Variants in EPAS1 observed in about 807,000 individuals in gnomAD.
EPAS1 encodes endothelial PAS domain protein 1.
A neutral mutation model predicts 87.9 loss-of-function variants in EPAS1; 23 were observed. The ratio of observed to expected loss-of-function variants is 0.26; its 90% confidence interval spans 0.19 to 0.37. The LOEUF (loss-of-function observed/expected upper bound fraction) is 0.37. Ranked by LOEUF, EPAS1 falls within the 10% of genes least tolerant of loss-of-function variation. EPAS1 has a pLI of 1.00. For missense variants in EPAS1, 1,138 were observed against 1,120.7 expected (o/e 1.02, Z -0.22); for synonymous variants, 508 against 444.3 (o/e 1.14, Z -1.80).
chr2:46,359,257 C>CAAAAAAAAA lies in EPAS1; in HGVS notation c.455-1365_455-1357dup, dbSNP rs57351888. 2.0e-4 allele frequency among the ~76,000 whole-genome samples: 5 copies of CAAAAAAAAA among 25,094 alleles called. 1 individual carries two copies. Among genetic ancestry groups the CAAAAAAAAA allele is most frequent in the Admixed American group, 5.8e-4 (1 of 1,736 alleles). 16.5% of individuals were successfully genotyped at this position (25,094 alleles called of 152,430 possible). On this transcript the variant is annotated intron_variant, in intron 4 of 15. Transcript: ENST00000263734. Reference sequence around the variant, plus strand: ...CTGGCGACAGAGCAAGATTCTGTCTCAAAAAAAAAAAAAAAAAAAAAAAAG... The same window carrying CAAAAAAAAA: ...CTGGCGACAGAGCAAGATTCTGTCTCAAAAAAAAAAAAAAAAAAAAAAAAAAAAAAAAAG...
rs765544757 is a variant in EPAS1 at position 46,297,919 on chromosome 2, C to G, written c.8C>G (p.Ala3Gly). The stretch of plus-strand genomic sequence containing the variant: ...CAAAGGGCCACAGCGACAATGACAG[C>G]TGACAAGGAGAAGAAAAGGTAAGCG... MTADKEKKRSSSE... is the reference protein window; with the variant it reads MTGDKEKKRSSSE... The change falls in exon 1 of 16, where the codon GCT becomes GGT. Residue 3 changes from alanine (A) to glycine (G), a missense_variant. Around this residue, in one of 4 missense-constraint regions of EPAS1, gnomAD observed 351 missense variants for 417.1 expected, o/e 0.84. Coordinates refer to ENST00000263734, the MANE Select transcript of EPAS1 (RefSeq NM_001430.5). 1 of 1,612,428 alleles carries G rather than the reference C, an allele frequency of 6.2e-7. No individual in the cohort carries two copies. Among genetic ancestry groups the G allele is most frequent in the Non-Finnish European group, 8.5e-7 (1 of 1,179,314 alleles).
At chr2:46,379,939 G>A in intron 11 of EPAS1, 1 of 511,344 alleles carries the variant, frequency 2.0e-6, no homozygotes, top group Admixed American at 3.2e-5. Context: ...GGCTTCAAGA[G>A]AGAAGGCGGG....
At chr2:46,304,300 A>G (rs1683067590) in intron 1 of EPAS1, among the ~76,000 whole-genome samples, 2 of 152,192 alleles carry the variant, frequency 1.3e-5, no homozygotes. Context: ...GCTGAAGTCT[A>G]GAAGGGCTAA....
Position 46,361,087 on chromosome 2 carries a change from A to T in EPAS1, c.776A>T (p.Asp259Val), listed in dbSNP as rs1684376922. The T allele has an allele frequency of 6.2e-7, 1 of 1,613,932 alleles. No homozygotes were observed. Among genetic ancestry groups the T allele is most frequent in the African/African-American group, 1.3e-5 (1 of 74,882 alleles). ...SMDMKFTYCD[D>V]RITELIGYHP... ...GACATGAAGTTCACCTACTGTGATG[A>T]CAGGTAGGGGGCCATGGGTGTGTAT... is the stretch of plus-strand genomic sequence containing the variant. The change falls in exon 6 of 16, where the codon GAC becomes GTC. Residue 259 changes from aspartate (D) to valine (V), a missense_variant. Around this residue, in one of 4 missense-constraint regions of EPAS1, gnomAD observed 351 missense variants for 417.1 expected, o/e 0.84. Transcript: ENST00000263734.
At chr2:46,338,496 C>T (rs1375122858) in intron 1 of EPAS1, among the ~76,000 whole-genome samples, 3 of 152,128 alleles carry the variant, frequency 2.0e-5, no homozygotes, top group Admixed American at 6.5e-5. Context: ...TTTCTCCCTG[C>T]TTTTTCATGA....
At chr2:46,373,677 C>T (rs1257284598) in intron 7 of EPAS1, among the ~76,000 whole-genome samples, 4 of 152,022 alleles carry the variant, frequency 2.6e-5, no homozygotes, top group African/African-American at 4.8e-5. Context: ...GTGGTGGGGG[C>T]GGTGATGGAA....
chr2:46,309,285 A>G (rs1028255302), intron 1 of EPAS1, among the ~76,000 whole-genome samples: 5 of 152,218 alleles, frequency 3.3e-5, no homozygotes, highest in Non-Finnish European at 5.9e-5. Context: ...TTCAGGTGCT[A>G]TGCTGTACGG....
At chr2:46,370,450 A>G (rs562453400) in intron 7 of EPAS1, among the ~76,000 whole-genome samples, 3 of 152,318 alleles carry the variant, frequency 2.0e-5, no homozygotes, top group South Asian at 4.1e-4. Flanking sequence ...TACGGGTCCA[A>G]CTTAACACAT....
At chr2:46,307,847 C>T (rs981370805) in intron 1 of EPAS1, among the ~76,000 whole-genome samples, 2 of 152,178 alleles carry the variant, frequency 1.3e-5, no homozygotes. Flanking sequence ...GTCCTATCCT[C>T]GGAGCACAGA....
intron 1 of EPAS1, among the ~76,000 whole-genome samples, chr2:46,306,029 A>T (rs1683103997): frequency 6.6e-6 from 1 of 152,224 alleles, no homozygotes; most frequent in Non-Finnish European, 1.5e-5. Context: ...AAGGGGAGTC[A>T]GTGGCTTGTT....
intron 1 of EPAS1, among the ~76,000 whole-genome samples, chr2:46,316,148 G>A (rs748625172): frequency 3.9e-5 from 6 of 152,018 alleles, no homozygotes; most frequent in Non-Finnish European, 8.8e-5. Context: ...GGCCACTACA[G>A]TAAAGTGAAT....
At chr2:46,333,038 C>T (rs182303822) in intron 1 of EPAS1, among the ~76,000 whole-genome samples, 69 of 152,346 alleles carry the variant, frequency 4.5e-4, no homozygotes, top group African/African-American at 1.6e-3. Flanking sequence ...CAGCCAGCTA[C>T]TTCTGTGTGA....
chr2:46,372,631 A>C (rs1046390060), intron 7 of EPAS1, among the ~76,000 whole-genome samples: 2 of 152,198 alleles, frequency 1.3e-5, no homozygotes, highest in African/African-American at 4.8e-5. Flanking sequence ...TATGGCCTTT[A>C]ATCTTATTTT....
intron 1 of EPAS1, among the ~76,000 whole-genome samples, chr2:46,330,850 G>C (rs1683659673): frequency 6.6e-6 from 1 of 152,000 alleles, no homozygotes; most frequent in African/African-American, 2.4e-5. Flanking sequence ...CATCTTTTTG[G>C]GACTCCTTTA....
intron 1 of EPAS1, among the ~76,000 whole-genome samples, chr2:46,317,584 A>G (rs1558585246): frequency 1.3e-5 from 2 of 152,220 alleles, no homozygotes; most frequent in East Asian, 3.8e-4. Flanking sequence ...CAGAATGGTA[A>G]ATGATAAGTG....
Position 46,385,932 on chromosome 2 carries a change from C to T in EPAS1, c.*1272C>T, listed in dbSNP as rs115678594. ...GTCAAAAATGGTATAGTGACCCCGT[C>T]CACGTCCTCCAAGCTCACGACCTTG... is the stretch of plus-strand genomic sequence containing the variant. On this transcript the variant is annotated 3_prime_UTR_variant, in exon 16 of 16. Coordinates refer to ENST00000263734, the MANE Select transcript of EPAS1 (RefSeq NM_001430.5). The T allele has an allele frequency of 7.9e-3, 1,206 of 152,594 alleles. 10 individuals are homozygous for T. The highest frequency in any genetic ancestry group is 0.011 in the Non-Finnish European group (731 of 68,044). The allele number at this position is 152,594 out of a possible 1,614,324, so 9.5% of individuals were successfully genotyped here.
At chr2:46,345,522 T>C (rs1439526137) in intron 1 of EPAS1, among the ~76,000 whole-genome samples, 1 of 152,140 alleles carries the variant, frequency 6.6e-6, no homozygotes, top group East Asian at 1.9e-4. Flanking sequence ...ATTTACCTGC[T>C]GGAGGCCACA....
intron 1 of EPAS1, among the ~76,000 whole-genome samples, chr2:46,337,127 GTTTGTACCAC>G (rs575434236): frequency 4.0e-4 from 61 of 152,342 alleles, no homozygotes; most frequent in Middle Eastern, 3.4e-3. Context: ...GATGTCTCCA[GTTTGTACCAC>G]TTTGTACTAC....
In EPAS1 at chr2:46,323,183, C is replaced by T. The variant is rs939014932; in HGVS notation, c.27-23690C>T. Among the ~76,000 whole-genome samples the T allele has an allele frequency of 7.9e-5, 12 of 152,298 alleles. No individual in the cohort carries two copies. The East Asian group carries it at 2.1e-3, about 27-fold the overall frequency. ...CGTTACCCTTGAAAAGTGTAAAAATCTAGACGAAGTTAATGAGGAGACTTT... is the reference window on the plus strand; with the variant it reads ...CGTTACCCTTGAAAAGTGTAAAAATTTAGACGAAGTTAATGAGGAGACTTT... On this transcript the variant is annotated intron_variant, in intron 1 of 15. Coordinates refer to ENST00000263734, the MANE Select transcript of EPAS1 (RefSeq NM_001430.5).
Sources: gnomAD v4.1 joint callset for allele counts (sites outside exome capture counted in the v4.1 genomes callset) on GRCh38, gnomAD v4.1.1 for gene constraint, gnomAD v4.1.1 regional missense constraint, MANE v1.5 for transcripts, NCBI Gene and HGNC (gene_info 2026-07-23, HGNC 2026-07-21) for gene names.